Variants in SEMA5A observed in about 807,000 individuals in gnomAD.
SEMA5A encodes the protein semaphorin-5A.
SEMA5A carries 55 observed loss-of-function variants against 135.5 expected under a neutral mutation model. The observed-to-expected ratio is 0.41, with a 90% CI of 0.33 to 0.51. The LOEUF (loss-of-function observed/expected upper bound fraction) is 0.51. Ranked by LOEUF, SEMA5A falls within the 20% of genes least tolerant of loss-of-function variation. SEMA5A has a pLI of 0.37. For synonymous variants in SEMA5A, 580 were observed against 546.5 expected (o/e 1.06, Z -0.85); for missense variants, 1,290 against 1,419.9 (o/e 0.91, Z 1.47).
chr5:9,348,409 A>G (rs779910855), intron 3 of SEMA5A, among the ~76,000 whole-genome samples: 30 of 152,164 alleles, frequency 2.0e-4, no homozygotes, highest in Non-Finnish European at 4.0e-4. Flanking sequence ...ACTAAGCATG[A>G]CCCTCAAATT....
chr5:9,088,581 C>G (rs1199472699), intron 16 of SEMA5A, among the ~76,000 whole-genome samples: 1 of 144,862 alleles, frequency 6.9e-6, no homozygotes, highest in East Asian at 2.0e-4. Flanking sequence ...GTTGTTCAAA[C>G]AAGAATTTAC....
At position 9,050,401 on chromosome 5, in the gene SEMA5A, A is replaced by G. The variant is rs202137115; in HGVS notation, c.2893+9T>C. ...CATCCATTACAACTACTTAAAAGGA[A>G]TAACGTACCTCCACACCTTTTCTCT... On this transcript the variant is annotated intron_variant, in intron 21 of 22. Coordinates refer to ENST00000382496, the MANE Select transcript of SEMA5A (RefSeq NM_003966.3). 5.7e-4 allele frequency: 914 copies of G among 1,609,304 alleles called. No individual in the cohort carries two copies. The highest frequency in any genetic ancestry group is 7.5e-4 in the Non-Finnish European group (885 of 1,177,538).
intron 21 of SEMA5A, among the ~76,000 whole-genome samples, chr5:9,046,093 G>A (rs910508881): frequency 1.1e-4 from 16 of 152,134 alleles, no homozygotes; most frequent in South Asian, 2.1e-4. Flanking sequence ...CCTCTGTGTT[G>A]TTAGAACCAA....
intron 11 of SEMA5A, among the ~76,000 whole-genome samples, chr5:9,168,643 T>G (rs1743745378): frequency 6.6e-6 from 1 of 152,206 alleles, no homozygotes; most frequent in Non-Finnish European, 1.5e-5. Context: ...ACCTTCAACC[T>G]GTGAGTGACA....
chr5:9,148,417 GCAAGGCTTACTCA>G (rs1742455996), intron 12 of SEMA5A, among the ~76,000 whole-genome samples: 1 of 152,070 alleles, frequency 6.6e-6, no homozygotes, highest in Non-Finnish European at 1.5e-5. Flanking sequence ...AGGCCACAGG[GCAAGGCTTACTCA>G]CAAGTGACCT....
intron 15 of SEMA5A, among the ~76,000 whole-genome samples, chr5:9,113,837 G>A (rs1505068): frequency 0.14 from 20,702 of 152,094 alleles, 2,161 homozygotes; most frequent in East Asian, 0.33. Context: ...ACTCTCATGC[G>A]TTGCTGTTGG....
chr5:9,526,655 C>A (rs1024117699), intron 1 of SEMA5A, among the ~76,000 whole-genome samples: 6 of 152,184 alleles, frequency 3.9e-5, no homozygotes, highest in African/African-American at 1.2e-4. Context: ...CGGAGAAGCC[C>A]CGGAGCAGCT....
At chr5:9,481,798 A>C (rs373842645) in intron 1 of SEMA5A, among the ~76,000 whole-genome samples, 1 of 152,154 alleles carries the variant, frequency 6.6e-6, no homozygotes, top group Non-Finnish European at 1.5e-5. Context: ...CAAGATTCCA[A>C]TGTGAAGATG....
intron 1 of SEMA5A, chr5:9,522,793 G>A (rs1175075088): frequency 6.6e-6 from 1 of 152,154 alleles, no homozygotes; most frequent in Non-Finnish European, 1.5e-5. Flanking sequence ...TGCATCTCCT[G>A]TTGACATGGA....
intron 5 of SEMA5A, among the ~76,000 whole-genome samples, chr5:9,280,293 T>C (rs764624341): frequency 2.6e-5 from 4 of 152,168 alleles, no homozygotes; most frequent in African/African-American, 9.7e-5. Context: ...AAAAAGCACA[T>C]GATCCCTATT....
chr5:9,174,663 A>G (rs1392888195), intron 11 of SEMA5A, among the ~76,000 whole-genome samples: 1 of 152,184 alleles, frequency 6.6e-6, no homozygotes, highest in East Asian at 1.9e-4. Context: ...CCATCTATAC[A>G]AGTTAACAAG....
chr5:9,258,659 T>C (rs910151476), intron 5 of SEMA5A, among the ~76,000 whole-genome samples: 1 of 152,142 alleles, frequency 6.6e-6, no homozygotes, highest in African/African-American at 2.4e-5. Flanking sequence ...CTGGATATAA[T>C]AAAAATAGCA....
intron 2 of SEMA5A, among the ~76,000 whole-genome samples, chr5:9,429,966 C>T (rs552207812): frequency 6.6e-6 from 1 of 152,248 alleles, no homozygotes; most frequent in Non-Finnish European, 1.5e-5. Context: ...ACCACGGAGG[C>T]CCAAGAGCAG....
chr5:9,131,709 A>C (rs1741443985), intron 13 of SEMA5A, among the ~76,000 whole-genome samples: 1 of 147,084 alleles, frequency 6.8e-6, no homozygotes, highest in Admixed American at 6.9e-5. Flanking sequence ...GAAGAGAGGG[A>C]ATCCAGCCAT....
intron 1 of SEMA5A, among the ~76,000 whole-genome samples, chr5:9,470,985 A>T (rs1324423100): frequency 6.6e-6 from 1 of 152,176 alleles, no homozygotes; most frequent in African/African-American, 2.4e-5. Context: ...TCAAAACATT[A>T]ATAATAATTA....
intron 6 of SEMA5A, among the ~76,000 whole-genome samples, chr5:9,228,611 G>T (rs1006029235): frequency 1.3e-5 from 2 of 152,238 alleles, no homozygotes; most frequent in Non-Finnish European, 2.9e-5. Flanking sequence ...AGGATAAGCT[G>T]AAGAGAGAAG....
intron 8 of SEMA5A, among the ~76,000 whole-genome samples, chr5:9,207,116 A>ATATATATGTG (rs1554003362): frequency 6.7e-5 from 9 of 135,282 alleles, no homozygotes; most frequent in African/African-American, 2.5e-4. Context: ...ATATATATAT[A>ATATATATGTG]TATATATATA....
intron 1 of SEMA5A, among the ~76,000 whole-genome samples, chr5:9,457,735 A>G (rs898850512): frequency 2.0e-5 from 3 of 152,132 alleles, no homozygotes; most frequent in Admixed American, 6.5e-5. Context: ...TCCTATTGCT[A>G]TTAGGAAGGT....
chr5:9,178,976 C>T (rs1169451726), intron 11 of SEMA5A, among the ~76,000 whole-genome samples: 2 of 152,078 alleles, frequency 1.3e-5, no homozygotes, highest in East Asian at 3.9e-4. Context: ...GAAGCTTTCA[C>T]GTAGAAAATG....
Sources: allele counts gnomAD v4.1 joint callset (sites outside exome capture counted in the v4.1 genomes callset), GRCh38; gene constraint gnomAD v4.1.1; transcripts MANE v1.5; gene names NCBI Gene and HGNC (gene_info 2026-07-23, HGNC 2026-07-21).